EXOC6: variants seen among roughly 807,000 people sequenced by gnomAD.
The protein encoded by EXOC6 is exocyst complex component 6.
EXOC6 carries 60 observed loss-of-function variants against 112.5 expected under a neutral mutation model. That is an observed-to-expected ratio of 0.53 (90% CI 0.43 to 0.66). EXOC6 has a LOEUF of 0.66. Ranked by LOEUF, EXOC6 falls within the 30% of genes least tolerant of loss-of-function variation. EXOC6 has a pLI of 0.00. For missense variants in EXOC6, 855 were observed against 957.1 expected (o/e 0.89, Z 1.41); for synonymous variants, 295 against 308.0 (o/e 0.96, Z 0.44).
At chr10:92,845,197 T>C (rs1204741054), upstream of EXOC6, among the ~76,000 whole-genome samples, 1 of 152,204 alleles carries the variant, frequency 6.6e-6, no homozygotes, top group Non-Finnish European at 1.5e-5. Flanking sequence ...TCCACATGCA[T>C]CTGCAATCTG....
At chr10:92,878,337 C>G (rs1407143070) in intron 1 of EXOC6, 1 of 152,082 alleles carries the variant, frequency 6.6e-6, no homozygotes, top group African/African-American at 2.4e-5. Context: ...GCCAAGCAGG[C>G]ACATGAAGGT....
intron 18 of EXOC6, among the ~76,000 whole-genome samples, chr10:92,991,541 A>G (rs1433480288): frequency 6.6e-6 from 1 of 152,162 alleles, no homozygotes; most frequent in Non-Finnish European, 1.5e-5. Context: ...TGGATACTGC[A>G]TGCCTTCTAA....
At chr10:92,975,474 TGG>T (rs565527469) in intron 18 of EXOC6, among the ~76,000 whole-genome samples, 1 of 128,036 alleles carries the variant, frequency 7.8e-6, no homozygotes, top group Non-Finnish European at 1.6e-5. Context: ...GGGAGGGAGG[TGG>T]GGGGGGTCAG....
At chr10:92,995,683 C>A (rs1396313669) in intron 18 of EXOC6, among the ~76,000 whole-genome samples, 1 of 152,202 alleles carries the variant, frequency 6.6e-6, no homozygotes. Flanking sequence ...AGCTGCATGT[C>A]TCCCAGACTA....
chr10:92,919,143 C>G (rs1432745153), intron 7 of EXOC6, among the ~76,000 whole-genome samples: 1 of 151,994 alleles, frequency 6.6e-6, no homozygotes, highest in East Asian at 1.9e-4. Context: ...TCAATTTTCC[C>G]CTTCCTGTTC....
At chr10:92,920,433 AC>A (rs1257165448) in intron 8 of EXOC6, among the ~76,000 whole-genome samples, 7 of 152,206 alleles carry the variant, frequency 4.6e-5, no homozygotes, top group Admixed American at 4.6e-4. Context: ...GAAAAAACTT[AC>A]CCTTTTAGAG....
intron 5 of EXOC6, 47 bp from the exon 6 acceptor site, chr10:92,909,380 T>A (rs752063550): frequency 7.5e-7 from 1 of 1,336,124 alleles, no homozygotes; most frequent in Non-Finnish European, 1.0e-6. Context: ...TGTAAAAATA[T>A]TGTGATAAGA....
rs186903149 is a variant in EXOC6 at position 92,994,787 on chromosome 10, G to A, written c.1954-2687G>A. On this transcript the variant is annotated intron_variant, in intron 18 of 21. Coordinates refer to ENST00000260762, the MANE Select transcript of EXOC6 (RefSeq NM_019053.6). Reference sequence around the variant, plus strand: ...ATCAATAATAATAATAATAATAATAGTGTTCAGAAGATTATACCAGAGTGT... The same window carrying A: ...ATCAATAATAATAATAATAATAATAATGTTCAGAAGATTATACCAGAGTGT... Among the ~76,000 whole-genome samples, 471 of 151,788 alleles carry A rather than the reference G, an allele frequency of 3.1e-3. 1 individual carries two copies. Among genetic ancestry groups the A allele is most frequent in the Non-Finnish European group, 4.6e-3 (312 of 67,892 alleles).
intron 19 of EXOC6, among the ~76,000 whole-genome samples, chr10:93,005,465 T>G (rs1843933922): frequency 6.6e-6 from 1 of 152,164 alleles, no homozygotes; most frequent in South Asian, 2.1e-4. Context: ...ATTAAATACT[T>G]ATTATATATT....
At chr10:92,952,449 T>C in intron 15 of EXOC6, 67 bp downstream of exon 15, 2 of 1,013,462 alleles carry the variant, frequency 2.0e-6, no homozygotes, top group Non-Finnish European at 3.0e-6. Context: ...TTTATTTTTA[T>C]GCCATAACTT....
intron 5 of EXOC6, chr10:92,901,158 T>C (rs1413696034): frequency 6.6e-6 from 1 of 152,234 alleles, no homozygotes; most frequent in Non-Finnish European, 1.5e-5. Context: ...TAGGTTATGC[T>C]AAATTTGATC....
At chr10:92,966,535 G>T (rs1184346758) in intron 17 of EXOC6, among the ~76,000 whole-genome samples, 3 of 148,148 alleles carry the variant, frequency 2.0e-5, no homozygotes, top group Non-Finnish European at 4.4e-5. Flanking sequence ...AGAATATGCA[G>T]TGTTTGGTTT....
rs572816963 is a variant in EXOC6 at position 92,869,776 on chromosome 10, T to C, written c.101+21142T>C. The stretch of plus-strand genomic sequence containing the variant: ...GTTACGTAATCATATAGTCTGTATT[T>C]AGAAATAATTTTACTTCCTTTTCAC... On this transcript the variant is annotated intron_variant, in intron 1 of 21. Transcript: ENST00000260762. Among the ~76,000 whole-genome samples, 10 of 152,206 alleles carry C rather than the reference T, an allele frequency of 6.6e-5. 2 individuals are homozygous for C. The South Asian group carries it at 2.1e-3, about 32-fold the overall frequency.
intron 18 of EXOC6, chr10:92,987,670 T>A (rs1308067261): frequency 2.1e-6 from 2 of 965,560 alleles, no homozygotes; most frequent in Non-Finnish European, 2.5e-6. Flanking sequence ...AAAGCTAGCA[T>A]GTACATTAGA....
In EXOC6 at chr10:92,920,682, G is replaced by A. The variant is rs771716012; in HGVS notation, c.888+632G>A. On this transcript the variant is annotated intron_variant, in intron 8 of 21. Coordinates refer to ENST00000260762, the MANE Select transcript of EXOC6 (RefSeq NM_019053.6). ...GCCTATTCTGTTATTGAAAGTAGAA[G>A]TATTGGAGTCTTCAACTATAACTGT... 2.7e-4 allele frequency among the ~76,000 whole-genome samples: 41 copies of A among 152,164 alleles called. 1 individual carries two copies. The highest frequency in any genetic ancestry group is 5.7e-4 in the Non-Finnish European group (39 of 68,034).
chr10:92,833,751 AT>A (rs1846566048), upstream of EXOC6, among the ~76,000 whole-genome samples: 1 of 152,216 alleles, frequency 6.6e-6, no homozygotes, highest in Non-Finnish European at 1.5e-5. Flanking sequence ...TAAATATTGT[AT>A]TTCTTGTATT....
intron 2 of EXOC6, 36 bp from the exon 3 acceptor site, chr10:92,894,758 A>G: frequency 1.3e-6 from 2 of 1,588,886 alleles, no homozygotes; most frequent in African/African-American, 1.3e-5. Flanking sequence ...AGTTTTATGC[A>G]TATTTGTCTA....
At position 93,034,447 on chromosome 10, in the gene EXOC6, G is replaced by A. The variant is rs191293912; in HGVS notation, c.2169+20180G>A. Among the ~76,000 whole-genome samples the A allele has an allele frequency of 1.0e-3, 152 of 152,240 alleles. No individual in the cohort carries two copies. The East Asian group carries it at 0.026, about 26-fold the overall frequency. On this transcript the variant is annotated intron_variant, in intron 20 of 21. Transcript: ENST00000260762. ...CTACCATACCCCCAAATGATTATAAGGTTTAGGAAAGAAGTTCCCATGTAC... is the reference window on the plus strand; with the variant it reads ...CTACCATACCCCCAAATGATTATAAAGTTTAGGAAAGAAGTTCCCATGTAC...
chr10:92,834,679 C>A, upstream of EXOC6: 6 of 1,278,620 alleles, frequency 4.7e-6, no homozygotes, highest in Non-Finnish European at 6.6e-6. Flanking sequence ...TTATAAATTA[C>A]AACAGTTTTT....
Sources: gnomAD v4.1 joint callset for allele counts (sites outside exome capture counted in the v4.1 genomes callset) on GRCh38, gnomAD v4.1.1 for gene constraint, MANE v1.5 for transcripts, NCBI Gene and HGNC (gene_info 2026-07-23, HGNC 2026-07-21) for gene names.